The following CUX2 variants were observed in gnomAD, a reference collection of about 807,000 sequenced individuals.
CUX2 encodes homeobox protein cut-like 2.
Under a neutral mutation model 144.8 loss-of-function variants are expected in CUX2, and 40 were observed. The ratio of observed to expected loss-of-function variants is 0.28; its 90% CI spans 0.21 to 0.36. The LOEUF (loss-of-function observed/expected upper bound fraction) is 0.36. CUX2 is among the 10% of genes least tolerant of loss of function. The pLI is 1.00. For synonymous variants in CUX2, 827 were observed against 875.6 expected (o/e 0.94, Z 0.98); for missense variants, 1,615 against 1,994.0 (o/e 0.81, Z 3.62).
rs538921090 is a variant in CUX2 at position 111,339,904 on chromosome 12, CAA to C, written c.3385+1431_3385+1432del. On this transcript the variant is annotated intron_variant, in intron 20 of 21. Transcript: ENST00000261726. Reference sequence around the variant, plus strand: ...GCTGGCTGCTCTCTATTTCTGAAAACAAGAGAGCTGGCTCAATGTGGTGGCTC... The same window carrying C: ...GCTGGCTGCTCTCTATTTCTGAAAACGAGAGCTGGCTCAATGTGGTGGCTC... Among the ~76,000 whole-genome samples the C allele has an allele frequency of 4.6e-5, 7 of 152,270 alleles. No individual in the cohort carries two copies. The East Asian group carries it at 7.7e-4, about 17-fold the overall frequency.
At chr12:111,318,245 CTT>C (rs541676829) in intron 16 of CUX2, among the ~76,000 whole-genome samples, 5 of 78,880 alleles carry the variant, frequency 6.3e-5, no homozygotes, top group Non-Finnish European at 1.1e-4. Context: ...TTTCTTTTTT[CTT>C]TTTTTTTTTT....
At chr12:111,046,553 A>G (rs1870002534) in intron 1 of CUX2, among the ~76,000 whole-genome samples, 1 of 152,174 alleles carries the variant, frequency 6.6e-6, no homozygotes, top group Non-Finnish European at 1.5e-5. Flanking sequence ...TGGACTCACT[A>G]ATGGCCAAAG....
chr12:111,088,243 G>A (rs1427553756), intron 1 of CUX2, among the ~76,000 whole-genome samples: 1 of 152,116 alleles, frequency 6.6e-6, no homozygotes, highest in Non-Finnish European at 1.5e-5. Flanking sequence ...CCTGCTGTCA[G>A]TGTTGTAAAA....
intron 3 of CUX2, among the ~76,000 whole-genome samples, chr12:111,237,801 C>T (rs1882832685): frequency 6.6e-6 from 1 of 152,186 alleles, no homozygotes; most frequent in Non-Finnish European, 1.5e-5. Flanking sequence ...GTCCTCAACT[C>T]AGGGCCTTTG....
intron 1 of CUX2, among the ~76,000 whole-genome samples, chr12:111,194,280 G>A (rs1055357223): frequency 4.6e-5 from 7 of 152,136 alleles, no homozygotes; most frequent in Admixed American, 1.3e-4. Flanking sequence ...ACAGGGCCAC[G>A]CACGTGATAA....
At chr12:111,048,801 G>T (rs541868260) in intron 1 of CUX2, among the ~76,000 whole-genome samples, 3 of 152,294 alleles carry the variant, frequency 2.0e-5, no homozygotes, top group East Asian at 1.9e-4. Context: ...GCTGTTAGGT[G>T]TAAGAGAGGT....
chr12:111,146,896 G>T (rs1876712294), intron 1 of CUX2, among the ~76,000 whole-genome samples: 1 of 152,178 alleles, frequency 6.6e-6, no homozygotes, highest in Admixed American at 6.5e-5. Context: ...CACCTTGGGA[G>T]GTTGAGGTGG....
intron 8 of CUX2, 43 bp downstream of exon 8, chr12:111,296,582 TC>T: frequency 6.4e-7 from 1 of 1,559,102 alleles, no homozygotes. Flanking sequence ...CTTGGAGGCC[TC>T]CCAGACAGGC....
At chr12:111,324,453 G>C (rs374765391) in intron 18 of CUX2, among the ~76,000 whole-genome samples, 23 of 151,878 alleles carry the variant, frequency 1.5e-4, no homozygotes, top group Admixed American at 1.5e-3. Flanking sequence ...GAGGCAGGGC[G>C]TGGTGACTTT....
rs529484903 is a variant in CUX2, at chr12:111,154,141, A to T, written c.64-60059A>T. ...CACCCATATGGATTTGTGGCAACAC[A>T]GTTCAGCTCTTAGCACCCCACAGAG... is the stretch of plus-strand genomic sequence containing the variant. On this transcript the variant is annotated intron_variant, in intron 1 of 21. Transcript: ENST00000261726. 2.0e-5 allele frequency among the ~76,000 whole-genome samples: 3 copies of T among 151,976 alleles called. No individual in the cohort carries two copies. In the South Asian group the frequency reaches 6.3e-4, roughly 32 times the overall value.
At chr12:111,219,475 T>C (rs1159118507) in intron 3 of CUX2, among the ~76,000 whole-genome samples, 3 of 152,096 alleles carry the variant, frequency 2.0e-5, no homozygotes, top group African/African-American at 7.2e-5. Context: ...AGCTGATCCC[T>C]CTGCCCAATC....
chr12:111,334,782 CT>C, intron 19 of CUX2, 72 bp downstream of exon 19: 8 of 1,491,494 alleles, frequency 5.4e-6, no homozygotes, highest in Non-Finnish European at 7.2e-6. Context: ...GAAAAGGTGT[CT>C]GGAGCTGGGA....
intron 18 of CUX2, 127 bp from the exon 19 acceptor site, chr12:111,334,314 G>A (rs1414094402): frequency 1.8e-5 from 18 of 978,196 alleles, no homozygotes; most frequent in Non-Finnish European, 2.2e-5. Context: ...CTACCTGAGC[G>A]ATTATTACTA....
At chr12:111,245,596 G>A (rs1436814917) in intron 3 of CUX2, among the ~76,000 whole-genome samples, 1 of 151,992 alleles carries the variant, frequency 6.6e-6, no homozygotes, top group Non-Finnish European at 1.5e-5. Context: ...CACCAGTCTG[G>A]GCAACAGAGC....
intron 4 of CUX2, among the ~76,000 whole-genome samples, chr12:111,272,723 C>T (rs1464421012): frequency 6.6e-6 from 1 of 152,180 alleles, no homozygotes; most frequent in Non-Finnish European, 1.5e-5. Flanking sequence ...CTCGGCCTCC[C>T]AAAGTGTTGG....
chr12:111,211,375 G>A (rs1034602), intron 1 of CUX2, among the ~76,000 whole-genome samples: 33,539 of 152,044 alleles, frequency 0.22, 4,963 homozygotes, highest in East Asian at 0.58. Context: ...CATCCTGCCT[G>A]TCAGATTTGC....
chr12:111,240,513 G>T (rs1026714052), intron 3 of CUX2, among the ~76,000 whole-genome samples: 3 of 152,200 alleles, frequency 2.0e-5, no homozygotes, highest in Non-Finnish European at 4.4e-5. Flanking sequence ...GAGTATCACC[G>T]GTCTAGCCTG....
chr12:111,320,798 G>C lies in CUX2; in HGVS notation c.2766+23G>C, dbSNP rs779838676. The C allele has an allele frequency of 4.7e-6, 7 of 1,479,934 alleles. No homozygotes were observed. In the South Asian group the frequency reaches 6.5e-5, roughly 14 times the overall value. The allele number at this position is 1,479,934 out of a possible 1,614,324, so 91.7% of individuals were successfully genotyped here. ...AAGGTGAGTGCAGGGCGGGCCCCCGGTGTCTGGGCTCTGGGAGAAGATGTC... is the reference window on the plus strand; with the variant it reads ...AAGGTGAGTGCAGGGCGGGCCCCCGCTGTCTGGGCTCTGGGAGAAGATGTC... On this transcript the variant is annotated intron_variant, in intron 17 of 21. Coordinates refer to ENST00000261726, the MANE Select transcript of CUX2 (RefSeq NM_015267.4). This position sits in a 1 kb window ranked among gnomAD's most constrained non-coding sequence, Gnocchi z 8.1.
intron 1 of CUX2, among the ~76,000 whole-genome samples, chr12:111,170,440 AG>A (rs1304808948): frequency 2.2e-4 from 6 of 27,402 alleles, no homozygotes; most frequent in African/African-American, 6.9e-4. Context: ...AAAGAAAGAA[AG>A]AAAAAAAAAA....
Sources: allele counts gnomAD v4.1 joint callset (sites outside exome capture counted in the v4.1 genomes callset), GRCh38; gene constraint gnomAD v4.1.1; non-coding constraint Gnocchi (gnomAD v3.1); transcripts MANE v1.5; gene names NCBI Gene and HGNC (gene_info 2026-07-23, HGNC 2026-07-21).